Variants in CPNE1 observed in about 807,000 individuals in gnomAD.
CPNE1 encodes copine-1.
CPNE1 carries 58 observed loss-of-function variants against 63.2 expected under a neutral mutation model. The observed-to-expected ratio is 0.92, with a 90% CI of 0.74 to 1.14. CPNE1 has a LOEUF of 1.14. CPNE1 is among the 50% of genes most tolerant of loss of function. The pLI is 0.00. For missense variants in CPNE1, 672 were observed against 661.7 expected (o/e 1.02, Z -0.17); for synonymous variants, 237 against 249.0 (o/e 0.95, Z 0.45).
chr20:35,650,336 G>A (rs1054717189), intron 1 of CPNE1: 2 of 152,212 alleles, frequency 1.3e-5, no homozygotes, highest in African/African-American at 2.4e-5. Flanking sequence ...TAAAGTGTAT[G>A]AAATATTTAA....
chr20:35,632,230 G>C lies in CPNE1; in HGVS notation c.389C>G (p.Ser130Ter), dbSNP rs1349482306. Residue 130 changes from serine (S) to a stop codon, truncating the protein, a stop_gained, in exon 5 of 16, where the codon TCA (serine) becomes TGA (stop). Coordinates refer to ENST00000397443, the MANE Select transcript of CPNE1 (RefSeq NM_152925.3). LOFTEE classifies it high-confidence loss of function. ...KPAGRGTITVSAQELKDNRVV... is the reference protein window; with the variant it reads ...KPAGRGTITV ...ACGATTGTCCTTTAATTCCTGAGCT[G>C]AGACCTAGGTAGGGGAGACTACATC... 2 of 1,613,918 alleles carry C rather than the reference G, an allele frequency of 1.2e-6. No individual in the cohort carries two copies. Among genetic ancestry groups the C allele is most frequent in the African/African-American group, 1.3e-5 (1 of 74,892 alleles).
intron 1 of CPNE1, chr20:35,654,929 T>A: frequency 6.2e-7 from 1 of 1,614,164 alleles, no homozygotes; most frequent in Non-Finnish European, 8.5e-7. Context: ...GTAACTACAC[T>A]GGGTGATGGA....
intron 1 of CPNE1, chr20:35,651,395 A>G (rs2033505407): frequency 6.6e-6 from 1 of 152,246 alleles, no homozygotes; most frequent in African/African-American, 2.4e-5. Flanking sequence ...TTTAGTAAAC[A>G]GGCTCCTGAT....
chr20:35,654,905 C>T (rs1260725399), intron 1 of CPNE1: 1 of 1,614,126 alleles, frequency 6.2e-7, no homozygotes. Flanking sequence ...CTTTCATGAA[C>T]AGAAGTGGTG....
rs751429523 is a variant in CPNE1 at position 35,632,546 on chromosome 20, G to A, written c.280C>T (p.Leu94=). 1.2e-6 allele frequency: 2 copies of A among 1,613,710 alleles called. No homozygotes were observed. Among genetic ancestry groups the A allele is most frequent in the Non-Finnish European group, 1.7e-6 (2 of 1,179,780 alleles). Residue 94 remains leucine (L), a synonymous_variant, in exon 3 of 16, where the codon CTA becomes TTA. Transcript: ENST00000397443. ...CCTAGGGAACACTCAGCACCCCCTA[G>A]GAAGTCATCATCCCTCAGCTCTGGC... is the stretch of plus-strand genomic sequence containing the variant. ...KTPELRDDDF[L]GGAECSLGQI...
intron 1 of CPNE1, among the ~76,000 whole-genome samples, chr20:35,644,826 G>A (rs1024532769): frequency 4.6e-5 from 7 of 152,120 alleles, no homozygotes; most frequent in Non-Finnish European, 8.8e-5. Flanking sequence ...TGCTGGGGAA[G>A]GAAGGTAGGA....
At chr20:35,630,084 A>G (rs1568909289) in intron 13 of CPNE1, among the ~76,000 whole-genome samples, 2 of 152,040 alleles carry the variant, frequency 1.3e-5, no homozygotes, top group Admixed American at 6.6e-5. Flanking sequence ...ACCTGAGGTC[A>G]GGAATTCGAG....
chr20:35,630,463 T>C lies in CPNE1; in HGVS notation c.1078A>G (p.Asn360Asp). The part of the protein sequence containing the change: ...QVSHEFALNF[N>D]PSNPYCAGIQ... ...CCTGCACAGTAGGGGTTACTGGGGT[T>C]GAAATTCAAGGCAAATTCATGCGAG... Residue 360 changes from asparagine (N) to aspartate (D), a missense_variant, in exon 13 of 16, where the codon AAC becomes GAC. Transcript: ENST00000397443. 6.2e-7 allele frequency: 1 copy of C among 1,614,164 alleles called. No homozygotes were observed. The highest frequency in any genetic ancestry group is 8.5e-7 in the Non-Finnish European group (1 of 1,180,010).
intron 1 of CPNE1, among the ~76,000 whole-genome samples, chr20:35,643,839 T>C (rs769443763): frequency 1.1e-4 from 16 of 152,064 alleles, no homozygotes; most frequent in Non-Finnish European, 1.5e-4. Context: ...CACACTATAG[T>C]TGGAGTTGGC....
chr20:35,634,001 C>G (rs145262034), intron 1 of CPNE1, among the ~76,000 whole-genome samples: 5,376 of 148,272 alleles, frequency 0.036, 173 homozygotes, highest in South Asian at 0.16. Context: ...GTGGCTCAAG[C>G]CTGTAATCCC....
At chr20:35,629,167 T>C (rs1164383960) in intron 13 of CPNE1, among the ~76,000 whole-genome samples, 2 of 152,124 alleles carry the variant, frequency 1.3e-5, no homozygotes, top group Admixed American at 6.5e-5. Context: ...GTTAGGGTAA[T>C]TGGGATAAAG....
At chr20:35,639,824 T>C (rs1168902792) in intron 1 of CPNE1, among the ~76,000 whole-genome samples, 1 of 152,254 alleles carries the variant, frequency 6.6e-6, no homozygotes, top group Admixed American at 6.5e-5. Flanking sequence ...CAAACACGTG[T>C]AGTGGGCTAC....
chr20:35,638,956 T>C lies in CPNE1; in HGVS notation c.1-6033A>G, dbSNP rs780470966. On this transcript the variant is annotated intron_variant, in intron 1 of 15. Transcript: ENST00000397443. Reference sequence around the variant, plus strand: ...CCCCAGGGGAAGGGAAGGTATTAACTGAGCAGAGGCAGAGAGCTCCCAGTG... The same window carrying C: ...CCCCAGGGGAAGGGAAGGTATTAACCGAGCAGAGGCAGAGAGCTCCCAGTG... Among the ~76,000 whole-genome samples, 4 of 152,318 alleles carry C rather than the reference T, an allele frequency of 2.6e-5. No homozygotes were observed. In the South Asian group the frequency reaches 8.3e-4, roughly 32 times the overall value.
intron 1 of CPNE1, chr20:35,652,891 C>G: frequency 6.2e-7 from 1 of 1,613,536 alleles, no homozygotes; most frequent in Non-Finnish European, 8.5e-7. Context: ...ACTTCCAAGA[C>G]CAGGAGGGCC....
At chr20:35,632,989 C>T in intron 1 of CPNE1, 66 bp from the exon 2 acceptor site, 1 of 824,482 alleles carries the variant, frequency 1.2e-6, no homozygotes, top group South Asian at 1.5e-5. Flanking sequence ...CTACAGGTCC[C>T]AGCTTGGGAA....
chr20:35,630,874 G>C, intron 11 of CPNE1, 27 bp downstream of exon 11: 1 of 1,603,198 alleles, frequency 6.2e-7, no homozygotes, highest in East Asian at 2.2e-5. Flanking sequence ...CAGGGAGCGG[G>C]TATAGCCCAG....
chr20:35,635,174 A>G lies in CPNE1; in HGVS notation c.1-2251T>C, dbSNP rs374595715. On this transcript the variant is annotated intron_variant, in intron 1 of 15. Coordinates refer to ENST00000397443, the MANE Select transcript of CPNE1 (RefSeq NM_152925.3). ...CAAAATAATCTTCCCTGTTTTATAT[A>G]TACATATATATATAAAGGCTCTCCC... is the stretch of plus-strand genomic sequence containing the variant. Among the ~76,000 whole-genome samples, 9 of 152,130 alleles carry G rather than the reference A, an allele frequency of 5.9e-5. No individual in the cohort carries two copies. In the East Asian group the frequency reaches 1.5e-3, roughly 26 times the overall value.
rs2032034866 is a variant in CPNE1, at chr20:35,630,306, T to G, written c.1102+133A>C. The stretch of plus-strand genomic sequence containing the variant: ...CAAGACTCTTTCTCAAAAAATAAAT[T>G]AAACTAAAATTAAATAAAATCCACC... On this transcript the variant is annotated intron_variant, in intron 13 of 15. Transcript: ENST00000397443. 4 of 737,572 alleles carry G rather than the reference T, an allele frequency of 5.4e-6. No individual in the cohort carries two copies. The Admixed American group carries it at 1.0e-4, about 19-fold the overall frequency. 45.7% of individuals were successfully genotyped at this position (737,572 alleles called of 1,614,324 possible).
intron 1 of CPNE1, chr20:35,653,897 C>T (rs757453176): frequency 1.2e-6 from 2 of 1,614,184 alleles, no homozygotes; most frequent in South Asian, 2.2e-5. Context: ...CTGAACTCTA[C>T]AAAGCCTTCG....
Sources: gnomAD v4.1 joint callset for allele counts (sites outside exome capture counted in the v4.1 genomes callset) on GRCh38, gnomAD v4.1.1 for gene constraint, MANE v1.5 for transcripts, NCBI Gene and HGNC (gene_info 2026-07-23, HGNC 2026-07-21) for gene names.